PRIM2: variants seen among roughly 807,000 people sequenced by gnomAD.
PRIM2 encodes the protein DNA primase subunit 2.
In PRIM2, 39 loss-of-function variants were observed where a neutral mutation model predicts 67.3. That is an observed-to-expected ratio of 0.58 (90% CI 0.45 to 0.76). PRIM2 has a LOEUF of 0.76. Among genes scored for constraint, PRIM2 ranks in the 30% least tolerant of loss-of-function variants. The pLI is 0.00. For missense variants in PRIM2, 398 were observed against 598.7 expected (o/e 0.66, Z 3.50); for synonymous variants, 143 against 198.7 (o/e 0.72, Z 2.36).
the PRIM2 span, among the ~76,000 whole-genome samples, chr6:57,277,144 C>T: frequency 6.6e-6 from 1 of 152,164 alleles, no homozygotes; most frequent in African/African-American, 2.4e-5. Flanking sequence ...TGCTGAGAGG[C>T]ATTCCTGAGG....
At chr6:57,457,356 C>CT (rs1234342329) in intron 7 of PRIM2, among the ~76,000 whole-genome samples, 1 of 152,220 alleles carries the variant, frequency 6.6e-6, no homozygotes, top group Non-Finnish European at 1.5e-5. Flanking sequence ...ATTCTGCTGC[C>CT]TTTTGTTTGG....
At chr6:57,303,607 T>G in the PRIM2 span, among the ~76,000 whole-genome samples, 1 of 152,142 alleles carries the variant, frequency 6.6e-6, no homozygotes, top group East Asian at 1.9e-4. Context: ...TCTTTTTCAA[T>G]TAATTAATTA....
intron 7 of PRIM2, among the ~76,000 whole-genome samples, chr6:57,455,300 G>T (rs1247829549): frequency 1.3e-5 from 2 of 152,172 alleles, no homozygotes; most frequent in Non-Finnish European, 2.9e-5. Flanking sequence ...TGTCTATTAG[G>T]TCCACTTGGT....
At chr6:57,527,682 A>T (rs1774788648) in intron 8 of PRIM2, among the ~76,000 whole-genome samples, 2 of 152,162 alleles carry the variant, frequency 1.3e-5, no homozygotes, top group Admixed American at 6.5e-5. Context: ...TCTTCTCACC[A>T]TCTGCCTTTC....
At chr6:57,260,706 A>T in the PRIM2 span, among the ~76,000 whole-genome samples, 1 of 152,210 alleles carries the variant, frequency 6.6e-6, no homozygotes. Context: ...GGTACAATGG[A>T]TATAAGTAGC....
intron 8 of PRIM2, among the ~76,000 whole-genome samples, chr6:57,513,918 A>C (rs1166121551): frequency 6.6e-6 from 1 of 152,198 alleles, no homozygotes; most frequent in East Asian, 1.9e-4. Flanking sequence ...CGTATTTGTC[A>C]CACCACAATT....
chr6:57,354,935 C>T (rs1768976616), intron 5 of PRIM2, among the ~76,000 whole-genome samples: 1 of 152,074 alleles, frequency 6.6e-6, no homozygotes. Flanking sequence ...CTTTTTTCTT[C>T]CTGCTGTGAG....
chr6:57,250,956 C>T, the PRIM2 span, among the ~76,000 whole-genome samples: 9 of 152,216 alleles, frequency 5.9e-5, no homozygotes, highest in South Asian at 2.1e-4. Context: ...ACTGATACAA[C>T]GCAAATATTC....
chr6:57,239,286 T>G, the PRIM2 span, among the ~76,000 whole-genome samples: 1 of 152,188 alleles, frequency 6.6e-6, no homozygotes, highest in Non-Finnish European at 1.5e-5. Flanking sequence ...CCACCATGGC[T>G]GGCATGTTCC....
intron 5 of PRIM2, among the ~76,000 whole-genome samples, chr6:57,365,421 G>A (rs1288020701): frequency 1.3e-5 from 2 of 151,384 alleles, no homozygotes; most frequent in African/African-American, 4.9e-5. Flanking sequence ...TAGCGGAATT[G>A]AACATTATTT....
Position 57,645,880 on chromosome 6 carries a change from T to G in PRIM2, c.1300-48T>G, listed in dbSNP as rs1219063057. ...AAACAGCTTTTGAAACTCATATATT[T>G]ATAGCTTTGCCATGCATTAATGCAA... is the stretch of plus-strand genomic sequence containing the variant. On this transcript the variant is annotated intron_variant, in intron 13 of 13. Coordinates refer to ENST00000615550, the MANE Select transcript of PRIM2 (RefSeq NM_000947.5). 7 of 1,044,430 alleles carry G rather than the reference T, an allele frequency of 6.7e-6. No individual in the cohort carries two copies. The African/African-American group carries it at 9.6e-5, about 14-fold the overall frequency. The allele number at this position is 1,044,430 out of a possible 1,614,324, so 64.7% of individuals were successfully genotyped here. A position where few individuals can be genotyped will look rare whatever the true frequency, so the allele number is the denominator to read the frequency against.
intron 10 of PRIM2, among the ~76,000 whole-genome samples, chr6:57,542,599 AAAAT>A (rs1386737497): frequency 1.8e-4 from 27 of 152,090 alleles, no homozygotes; most frequent in African/African-American, 2.4e-4. Flanking sequence ...CTTATAAAAG[AAAAT>A]AAATAATTTT....
At chr6:57,335,884 G>T (rs1768226317) in intron 5 of PRIM2, among the ~76,000 whole-genome samples, 1 of 152,176 alleles carries the variant, frequency 6.6e-6, no homozygotes, top group Non-Finnish European at 1.5e-5. Flanking sequence ...GCTGAGAGAA[G>T]AAGGCTTCAG....
intron 10 of PRIM2, among the ~76,000 whole-genome samples, chr6:57,539,893 C>T (rs1265127834): frequency 2.0e-5 from 3 of 151,494 alleles, no homozygotes; most frequent in African/African-American, 7.3e-5. Context: ...ACTGGGGTGG[C>T]TGAGTCAGGA....
chr6:57,421,250 G>A (rs1421279477), intron 7 of PRIM2, among the ~76,000 whole-genome samples: 7 of 152,120 alleles, frequency 4.6e-5, no homozygotes, highest in Admixed American at 4.6e-4. Context: ...GAACAAAAGA[G>A]ATTAAATAAA....
At chr6:57,393,581 A>G (rs1003179931) in intron 7 of PRIM2, among the ~76,000 whole-genome samples, 3 of 151,954 alleles carry the variant, frequency 2.0e-5, no homozygotes, top group African/African-American at 7.3e-5. Context: ...AGATGTATAG[A>G]TTGTGAAGAT....
At chr6:57,486,310 G>A (rs1319396324) in intron 7 of PRIM2, among the ~76,000 whole-genome samples, 2 of 152,206 alleles carry the variant, frequency 1.3e-5, no homozygotes, top group African/African-American at 2.4e-5. Context: ...GCTTGTGGGG[G>A]TTATTTATAT....
intron 7 of PRIM2, 32 bp from the exon 8 acceptor site, chr6:57,507,355 C>G (rs1774272003): frequency 6.9e-7 from 1 of 1,439,036 alleles, no homozygotes; most frequent in Non-Finnish European, 9.3e-7. Flanking sequence ...TCGGCCTTTG[C>G]TGTTTTTACT....
At chr6:57,435,480 CA>C (rs1335677729) in intron 7 of PRIM2, among the ~76,000 whole-genome samples, 1 of 152,198 alleles carries the variant, frequency 6.6e-6, no homozygotes. Context: ...ACAGCCTGAT[CA>C]TTCCAAAGGA....
Sources: gnomAD v4.1 joint callset for allele counts (sites outside exome capture counted in the v4.1 genomes callset) on GRCh38, gnomAD v4.1.1 for gene constraint, MANE v1.5 for transcripts, NCBI Gene and HGNC (gene_info 2026-07-23, HGNC 2026-07-21) for gene names.